Variants in GPC5 observed in about 807,000 individuals in gnomAD.
GPC5 encodes the protein glypican 5.
In GPC5, 47 loss-of-function variants were observed where a neutral mutation model predicts 53.9. The observed-to-expected ratio is 0.87, with a 90% CI of 0.69 to 1.11. The LOEUF (loss-of-function observed/expected upper bound fraction) is 1.11. Ranked by LOEUF, GPC5 falls within the 50% of genes most tolerant of loss-of-function variation. GPC5 has a pLI of 0.00. For synonymous variants in GPC5, 286 were observed against 263.3 expected (o/e 1.09, Z -0.84); for missense variants, 748 against 713.1 (o/e 1.05, Z -0.56).
chr13:91,590,440 A>G (rs184817158), intron 2 of GPC5, among the ~76,000 whole-genome samples: 44 of 152,234 alleles, frequency 2.9e-4, no homozygotes, highest in Middle Eastern at 3.4e-3. Context: ...ATGTTTTCCT[A>G]TATTTTCTCT....
At chr13:91,963,662 C>T (rs1005976645) in intron 6 of GPC5, among the ~76,000 whole-genome samples, 10 of 151,854 alleles carry the variant, frequency 6.6e-5, no homozygotes, top group African/African-American at 2.4e-4. Context: ...GGAACAGAGA[C>T]AAAAAGATAA....
intron 6 of GPC5, among the ~76,000 whole-genome samples, chr13:92,137,700 A>G (rs1226221927): frequency 6.6e-6 from 1 of 152,152 alleles, no homozygotes; most frequent in Non-Finnish European, 1.5e-5. Flanking sequence ...ATCATGGTTC[A>G]CTGCATTGTC....
At chr13:91,842,221 T>C (rs985418801) in intron 5 of GPC5, among the ~76,000 whole-genome samples, 1 of 151,938 alleles carries the variant, frequency 6.6e-6, no homozygotes. Flanking sequence ...TTGACATTTA[T>C]CTGATTGATG....
At chr13:92,162,153 T>G (rs2041994708) in intron 7 of GPC5, among the ~76,000 whole-genome samples, 1 of 151,830 alleles carries the variant, frequency 6.6e-6, no homozygotes, top group African/African-American at 2.4e-5. Flanking sequence ...ATTATGATGC[T>G]CACATAAGAA....
In GPC5 at chr13:92,008,401, A is replaced by G. The variant is rs893847582; in HGVS notation, c.1401+100344A>G. Reference sequence around the variant, plus strand: ...TTTACCTACAGATTGAACATTTTTCATTTTTCATTCCTTTGTGAAATTTAG... The same window carrying G: ...TTTACCTACAGATTGAACATTTTTCGTTTTTCATTCCTTTGTGAAATTTAG... On this transcript the variant is annotated intron_variant, in intron 6 of 7. Coordinates refer to ENST00000377067, the MANE Select transcript of GPC5 (RefSeq NM_004466.6). Among the ~76,000 whole-genome samples the G allele has an allele frequency of 1.1e-4, 16 of 151,724 alleles. No individual in the cohort carries two copies. The South Asian group carries it at 2.3e-3, about 22-fold the overall frequency.
chr13:92,588,933 T>C (rs1428339479), intron 7 of GPC5, among the ~76,000 whole-genome samples: 1 of 152,078 alleles, frequency 6.6e-6, no homozygotes, highest in Non-Finnish European at 1.5e-5. Flanking sequence ...CTAACCAAGG[T>C]GTATAGAAAT....
At chr13:91,479,693 A>G (rs1883199503) in intron 2 of GPC5, among the ~76,000 whole-genome samples, 1 of 152,154 alleles carries the variant, frequency 6.6e-6, no homozygotes, top group Non-Finnish European at 1.5e-5. Flanking sequence ...CTAGGGATTA[A>G]TAGGAGCTGT....
intron 6 of GPC5, among the ~76,000 whole-genome samples, chr13:91,980,471 C>A (rs1229600532): frequency 6.6e-6 from 1 of 152,094 alleles, no homozygotes; most frequent in African/African-American, 2.4e-5. Flanking sequence ...CTTCCACCAC[C>A]CAGAAGCCCC....
At chr13:92,050,218 C>A (rs1300148373) in intron 6 of GPC5, among the ~76,000 whole-genome samples, 1 of 152,034 alleles carries the variant, frequency 6.6e-6, no homozygotes, top group Non-Finnish European at 1.5e-5. Context: ...TCATGATATT[C>A]AGAGATTGTT....
intron 7 of GPC5, among the ~76,000 whole-genome samples, chr13:92,769,645 A>G (rs1460844627): frequency 6.6e-6 from 1 of 152,224 alleles, no homozygotes; most frequent in Non-Finnish European, 1.5e-5. Flanking sequence ...AATGATAAAC[A>G]CAACATAAGT....
At chr13:91,954,704 G>A (rs1050834929) in intron 6 of GPC5, among the ~76,000 whole-genome samples, 2 of 151,914 alleles carry the variant, frequency 1.3e-5, no homozygotes, top group African/African-American at 4.8e-5. Context: ...CATACTTTAA[G>A]TACTAATTCT....
rs555115138 is a variant in GPC5, at chr13:92,684,829, G to A, written c.1562-181453G>A. ...AGAAACTGCTAAACTGTCTTCCAAA[G>A]TGGATATACCATTTCGCATCCCCAC... On this transcript the variant is annotated intron_variant, in intron 7 of 7. Transcript: ENST00000377067. Among the ~76,000 whole-genome samples the A allele has an allele frequency of 5.9e-5, 9 of 152,214 alleles. No individual in the cohort carries two copies. The East Asian group carries it at 1.7e-3, about 29-fold the overall frequency.
At chr13:91,655,703 T>A (rs1376772474) in intron 2 of GPC5, among the ~76,000 whole-genome samples, 1 of 151,950 alleles carries the variant, frequency 6.6e-6, no homozygotes. Context: ...TAAGGATGAG[T>A]TCTAAAACAA....
chr13:92,235,451 T>G (rs1232293109), intron 7 of GPC5, among the ~76,000 whole-genome samples: 1 of 152,110 alleles, frequency 6.6e-6, no homozygotes, highest in Admixed American at 6.6e-5. Context: ...ATAAGGATGT[T>G]TTCCTCAATT....
At chr13:91,533,658 C>G (rs1266393124) in intron 2 of GPC5, among the ~76,000 whole-genome samples, 1 of 152,090 alleles carries the variant, frequency 6.6e-6, no homozygotes, top group Non-Finnish European at 1.5e-5. Context: ...AAAGGGTGCT[C>G]CAAATGATTA....
chr13:91,538,917 G>A (rs1886722381), intron 2 of GPC5, among the ~76,000 whole-genome samples: 1 of 151,424 alleles, frequency 6.6e-6, no homozygotes, highest in African/African-American at 2.4e-5. Context: ...GTCCTGTAGA[G>A]TTGTAATTTA....
intron 7 of GPC5, among the ~76,000 whole-genome samples, chr13:92,425,620 C>T (rs1445706272): frequency 1.3e-5 from 2 of 152,058 alleles, no homozygotes; most frequent in Non-Finnish European, 2.9e-5. Flanking sequence ...TCCTGTTCAA[C>T]CTTTGTAAGA....
chr13:92,387,736 A>G (rs919785145), intron 7 of GPC5, among the ~76,000 whole-genome samples: 1 of 152,192 alleles, frequency 6.6e-6, no homozygotes, highest in Non-Finnish European at 1.5e-5. Flanking sequence ...TTCTAACTCT[A>G]CCATCAAACT....
chr13:92,045,671 G>A (rs563790888), intron 6 of GPC5, among the ~76,000 whole-genome samples: 1 of 152,050 alleles, frequency 6.6e-6, no homozygotes, highest in African/African-American at 2.4e-5. Flanking sequence ...AAACTGAGGA[G>A]GATTTATAAT....
Sources: gnomAD v4.1 joint callset for allele counts (sites outside exome capture counted in the v4.1 genomes callset) on GRCh38, gnomAD v4.1.1 for gene constraint, MANE v1.5 for transcripts, NCBI Gene and HGNC (gene_info 2026-07-23, HGNC 2026-07-21) for gene names.